The following SEL1L2 variants were observed in gnomAD, a reference collection of about 807,000 sequenced individuals.
SEL1L2 encodes protein sel-1 homolog 2.
A neutral mutation model predicts 98.8 loss-of-function variants in SEL1L2; 89 were observed. The ratio of observed to expected loss-of-function variants is 0.90; its 90% CI spans 0.76 to 1.07. The LOEUF (loss-of-function observed/expected upper bound fraction) is 1.07. Ranked by LOEUF, SEL1L2 falls within the 50% of genes least tolerant of loss-of-function variation. The pLI is 0.00. For synonymous variants in SEL1L2, 262 were observed against 278.5 expected (o/e 0.94, Z 0.59); for missense variants, 788 against 812.0 (o/e 0.97, Z 0.36).
intron 5 of SEL1L2, among the ~76,000 whole-genome samples, chr20:13,905,049 T>C (rs2148123195): frequency 6.6e-6 from 1 of 152,250 alleles, no homozygotes; most frequent in South Asian, 2.1e-4. Flanking sequence ...GGCGTATTCC[T>C]CAGTATAAAG....
intron 1 of SEL1L2, among the ~76,000 whole-genome samples, chr20:13,957,394 G>A (rs556175567): frequency 3.9e-5 from 6 of 152,310 alleles, no homozygotes; most frequent in Middle Eastern, 3.4e-3. Flanking sequence ...GAGCTGCTGC[G>A]CCCAGCCCAT....
chr20:13,887,910 A>G, intron 7 of SEL1L2, 32 bp downstream of exon 7: 1 of 1,611,034 alleles, frequency 6.2e-7, no homozygotes, highest in Non-Finnish European at 8.5e-7. Flanking sequence ...ATGGCATACA[A>G]ATTTGGTTCC....
At chr20:13,953,398 C>A (rs1256409834) in intron 2 of SEL1L2, among the ~76,000 whole-genome samples, 2 of 152,198 alleles carry the variant, frequency 1.3e-5, no homozygotes, top group Non-Finnish European at 2.9e-5. Flanking sequence ...TCTGAGGGAG[C>A]TCCAATGCCA....
At chr20:13,851,233 A>G (rs1030978766) in intron 18 of SEL1L2, 1 of 150,940 alleles carries the variant, frequency 6.6e-6, no homozygotes, top group Non-Finnish European at 1.5e-5. Flanking sequence ...TCTCAAAAGA[A>G]AAAAAAAATT....
chr20:13,915,298 G>C, intron 4 of SEL1L2: 1 of 1,204,684 alleles, frequency 8.3e-7, no homozygotes, highest in Non-Finnish European at 1.1e-6. Context: ...ATAGAAAACT[G>C]GAGTTCAGGA....
At chr20:13,919,499 T>G (rs1188033156) in intron 3 of SEL1L2, among the ~76,000 whole-genome samples, 1 of 152,132 alleles carries the variant, frequency 6.6e-6, no homozygotes, top group Non-Finnish European at 1.5e-5. Flanking sequence ...TGGCAAAGAC[T>G]CTCTTGTCTG....
chr20:13,943,267 G>T (rs1454501792), intron 2 of SEL1L2, among the ~76,000 whole-genome samples: 6 of 152,126 alleles, frequency 3.9e-5, no homozygotes, highest in Non-Finnish European at 7.4e-5. Context: ...GAAAAAAGTG[G>T]CATGAGTGAT....
At chr20:13,867,770 T>C (rs1453742227) in intron 14 of SEL1L2, among the ~76,000 whole-genome samples, 1 of 152,190 alleles carries the variant, frequency 6.6e-6, no homozygotes, top group Non-Finnish European at 1.5e-5. Flanking sequence ...ACTATTTTTC[T>C]TATTCTAGAA....
At chr20:13,907,002 T>G (rs1047710990) in intron 5 of SEL1L2, among the ~76,000 whole-genome samples, 3 of 152,134 alleles carry the variant, frequency 2.0e-5, no homozygotes, top group Non-Finnish European at 2.9e-5. Flanking sequence ...TTGAAATAAA[T>G]AAAGAAAATG....
At chr20:13,951,810 T>A (rs1019411671) in intron 2 of SEL1L2, among the ~76,000 whole-genome samples, 7 of 151,548 alleles carry the variant, frequency 4.6e-5, no homozygotes, top group African/African-American at 1.7e-4. Context: ...TTTTTTTGTT[T>A]ATATTTTTAG....
At chr20:13,912,795 A>G (rs1474804759) in intron 5 of SEL1L2, among the ~76,000 whole-genome samples, 2 of 152,238 alleles carry the variant, frequency 1.3e-5, no homozygotes. Context: ...CATAAGAAGT[A>G]CTACCCCCAT....
At chr20:13,988,423 T>C (rs1488888748) in intron 1 of SEL1L2, among the ~76,000 whole-genome samples, 1 of 152,216 alleles carries the variant, frequency 6.6e-6, no homozygotes, top group African/African-American at 2.4e-5. Context: ...TTGGAGAGAT[T>C]ATCTCCTCCT....
intron 5 of SEL1L2, among the ~76,000 whole-genome samples, chr20:13,890,440 C>G (rs984576831): frequency 2.0e-5 from 3 of 151,910 alleles, no homozygotes; most frequent in African/African-American, 7.3e-5. Context: ...ATAACTTACA[C>G]AAGCCCAGAG....
chr20:13,978,500 TA>T (rs1244141666), intron 1 of SEL1L2, among the ~76,000 whole-genome samples: 2 of 152,276 alleles, frequency 1.3e-5, no homozygotes, highest in African/African-American at 4.8e-5. Flanking sequence ...TGGAAAGCAG[TA>T]TAGAGGTTTC....
At chr20:13,870,750 C>G (rs2046149160) in intron 12 of SEL1L2, among the ~76,000 whole-genome samples, 1 of 152,090 alleles carries the variant, frequency 6.6e-6, no homozygotes, top group African/African-American at 2.4e-5. Flanking sequence ...TGGTGAAACC[C>G]TGTCTCTACT....
rs555449393 is a variant in SEL1L2, at chr20:13,957,564, G to A, written c.59-1433C>T. 9.9e-5 allele frequency among the ~76,000 whole-genome samples: 15 copies of A among 152,268 alleles called. No individual in the cohort carries two copies. The East Asian group carries it at 1.7e-3, about 18-fold the overall frequency. On this transcript the variant is annotated intron_variant, in intron 1 of 19. Transcript: ENST00000284951. ...ATATTTAGTCCTCTGTCAAATTAGA[G>A]AAATAACTGGCAAATTCTAAATAAA...
intron 2 of SEL1L2, among the ~76,000 whole-genome samples, chr20:13,937,422 C>T (rs1600830190): frequency 1.3e-5 from 2 of 152,296 alleles, no homozygotes; most frequent in East Asian, 3.9e-4. Flanking sequence ...AGTCTAGGAG[C>T]CTGCTCTCTT....
intron 1 of SEL1L2, among the ~76,000 whole-genome samples, chr20:13,983,376 T>C (rs886645815): frequency 6.6e-5 from 10 of 152,038 alleles, no homozygotes; most frequent in African/African-American, 1.9e-4. Context: ...AAGGTGTATC[T>C]GAATGAAAAA....
At chr20:13,907,743 TTTC>T (rs1392254931) in intron 5 of SEL1L2, among the ~76,000 whole-genome samples, 7 of 57,938 alleles carry the variant, frequency 1.2e-4, no homozygotes, top group Non-Finnish European at 1.9e-4. Flanking sequence ...TCTTTCTTTC[TTTC>T]TTTTCTTTTC....
Sources: allele counts gnomAD v4.1 joint callset (sites outside exome capture counted in the v4.1 genomes callset), GRCh38; gene constraint gnomAD v4.1.1; transcripts MANE v1.5; gene names NCBI Gene and HGNC (gene_info 2026-07-23, HGNC 2026-07-21).